Variants in BCO2 observed in about 807,000 individuals in gnomAD.
The protein encoded by BCO2 is carotenoid-cleaving dioxygenase, mitochondrial.
BCO2 carries 56 observed loss-of-function variants against 65.8 expected under a neutral mutation model. The ratio of observed to expected loss-of-function variants is 0.85; its 90% CI spans 0.69 to 1.06. BCO2 has a LOEUF of 1.06. Among genes scored for constraint, BCO2 ranks in the 50% least tolerant of loss-of-function variants. The probability of loss-of-function intolerance (pLI) is 0.00; values close to 1 mark genes in which losing one functional copy is unlikely to be tolerated. For missense variants in BCO2, 675 were observed against 698.5 expected, an observed-to-expected ratio of 0.97 and a Z score of 0.38; for synonymous variants, 233 against 242.3, an observed-to-expected ratio of 0.96 and a Z score of 0.36.
chr11:112,181,473 G>A (rs1485953991), intron 2 of BCO2: 6 of 685,682 alleles, frequency 8.8e-6, no homozygotes, highest in South Asian at 4.3e-5. Flanking sequence ...GAGCCACCGC[G>A]CCCGGCCGAG....
chr11:112,213,985 GT>G, intron 9 of BCO2, 124 bp downstream of exon 9: 1 of 772,364 alleles, frequency 1.3e-6, no homozygotes, highest in Non-Finnish European at 1.9e-6. Context: ...GCAGGTTAAG[GT>G]TATGTAACAT....
At chr11:112,209,155 C>A (rs1859434737) in intron 8 of BCO2, among the ~76,000 whole-genome samples, 1 of 152,084 alleles carries the variant, frequency 6.6e-6, no homozygotes, top group African/African-American at 2.4e-5. Flanking sequence ...TACAGTTCTA[C>A]CGGTTTTGAA....
At chr11:112,210,694 C>T (rs1202485180) in intron 8 of BCO2, among the ~76,000 whole-genome samples, 4 of 151,950 alleles carry the variant, frequency 2.6e-5, no homozygotes, top group African/African-American at 9.7e-5. Flanking sequence ...TGTTCTGTAT[C>T]TTGAGTGGCG....
intron 5 of BCO2, among the ~76,000 whole-genome samples, chr11:112,199,115 C>T (rs1867658900): frequency 1.3e-5 from 2 of 152,106 alleles, no homozygotes; most frequent in Admixed American, 1.3e-4. Context: ...CCTAGCTCCC[C>T]ACCCCCTGAA....
At chr11:112,213,144 T>A (rs1161438320) in intron 8 of BCO2, among the ~76,000 whole-genome samples, 1 of 127,448 alleles carries the variant, frequency 7.8e-6, no homozygotes, top group African/African-American at 3.0e-5. Context: ...TTTTTTTTTT[T>A]TTTTTTTTTT....
At chr11:112,195,445 T>A (rs1000009574) in intron 5 of BCO2, among the ~76,000 whole-genome samples, 9 of 150,632 alleles carry the variant, frequency 6.0e-5, no homozygotes, top group African/African-American at 1.7e-4. Context: ...TTACACTTTT[T>A]TTTATTTTTT....
intron 1 of BCO2, chr11:112,176,241 G>C (rs1019518382): frequency 6.5e-6 from 1 of 153,222 alleles, no homozygotes; most frequent in Non-Finnish European, 1.5e-5. Context: ...AATGTATTAC[G>C]TACTGGAAGG....
chr11:112,213,674 A>G, intron 8 of BCO2, 50 bp from the exon 9 acceptor site: 1 of 1,564,672 alleles, frequency 6.4e-7, no homozygotes, highest in Non-Finnish European at 8.8e-7. Flanking sequence ...ATTGGGACAT[A>G]CTGTTACCAT....
chr11:112,213,190 C>CTGGA (rs1566799827), intron 8 of BCO2, among the ~76,000 whole-genome samples: 1 of 109,786 alleles, frequency 9.1e-6, no homozygotes, highest in African/African-American at 3.7e-5. Flanking sequence ...GTTGCCCAGG[C>CTGGA]TGGAGTGCAA....
chr11:112,185,750 A>T (rs1018806991), intron 2 of BCO2, among the ~76,000 whole-genome samples: 2 of 152,180 alleles, frequency 1.3e-5, no homozygotes, highest in African/African-American at 2.4e-5. Flanking sequence ...ATTGTTTTTT[A>T]AAAAAATATT....
intron 8 of BCO2, 116 bp downstream of exon 8, chr11:112,202,306 T>C (rs1016949650): frequency 1.7e-5 from 16 of 962,858 alleles, no homozygotes; most frequent in Non-Finnish European, 2.4e-5. Context: ...CTTTTGAGAC[T>C]GAGTCTTGCT....
At chr11:112,199,341 C>T (rs1867666479) in intron 5 of BCO2, among the ~76,000 whole-genome samples, 1 of 152,172 alleles carries the variant, frequency 6.6e-6, no homozygotes, top group Non-Finnish European at 1.5e-5. Context: ...GGCAGATTTT[C>T]TTTGTCCAGT....
intron 2 of BCO2, among the ~76,000 whole-genome samples, chr11:112,190,373 A>C (rs1867338095): frequency 1.3e-5 from 2 of 152,198 alleles, no homozygotes; most frequent in African/African-American, 2.4e-5. Flanking sequence ...TTAAAAAATA[A>C]AATTAACTTT....
chr11:112,209,409 T>A (rs2564860), intron 8 of BCO2, among the ~76,000 whole-genome samples: 57,570 of 152,118 alleles, frequency 0.38, 11,258 homozygotes, highest in South Asian at 0.6. Flanking sequence ...TTCCTCTGTG[T>A]CTTTTGTGGC....
At chr11:112,182,198 A>G (rs1278153089) in intron 2 of BCO2, among the ~76,000 whole-genome samples, 1 of 152,164 alleles carries the variant, frequency 6.6e-6, no homozygotes, top group Non-Finnish European at 1.5e-5. Flanking sequence ...AAGTCAGGAA[A>G]CAACAGGTGC....
At chr11:112,216,111 C>A in intron 10 of BCO2, 109 bp from the exon 11 acceptor site, 1 of 734,862 alleles carries the variant, frequency 1.4e-6, no homozygotes. Context: ...GGAGGGGACA[C>A]ACATCCAAAC....
chr11:112,178,211 C>T (rs778943798), intron 1 of BCO2, among the ~76,000 whole-genome samples: 2 of 151,950 alleles, frequency 1.3e-5, no homozygotes, highest in Non-Finnish European at 2.9e-5. Context: ...CACCGTGCCC[C>T]GCTGGAATTT....
At chr11:112,200,410 T>C in intron 6 of BCO2, 2 of 441,954 alleles carry the variant, frequency 4.5e-6, no homozygotes, top group Non-Finnish European at 7.8e-6. Context: ...CAACCCAAGC[T>C]ATTCTAAGCA....
intron 2 of BCO2, chr11:112,181,628 A>T: frequency 1.3e-6 from 1 of 795,620 alleles, no homozygotes; most frequent in Non-Finnish European, 2.3e-6. Flanking sequence ...TTGAACACCT[A>T]AAAGTGGCAA....
Sources: gnomAD v4.1 joint callset for allele counts (sites outside exome capture counted in the v4.1 genomes callset) on GRCh38, gnomAD v4.1.1 for gene constraint, MANE v1.5 for transcripts, NCBI Gene and HGNC (gene_info 2026-07-23, HGNC 2026-07-21) for gene names.